B4GALT5: variants seen among roughly 807,000 people sequenced by gnomAD.
The protein encoded by B4GALT5 is UDP-Gal:beta-GlcNAc beta-1,4-galactosyltransferase 5.
B4GALT5 carries 11 observed loss-of-function variants against 45.0 expected under a neutral mutation model. The ratio of observed to expected loss-of-function variants is 0.24; its 90% CI spans 0.15 to 0.40. B4GALT5 has a LOEUF of 0.40. Ranked by LOEUF, B4GALT5 falls within the 10% of genes least tolerant of loss-of-function variation. The probability of loss-of-function intolerance (pLI) is 1.00; values close to 1 mark genes in which losing one functional copy is unlikely to be tolerated. For synonymous variants in B4GALT5, 185 were observed against 182.9 expected (o/e 1.01, Z -0.09); for missense variants, 337 against 500.2 (o/e 0.67, Z 3.11).
At chr20:49,711,199 G>A (rs2085909744) in intron 1 of B4GALT5, among the ~76,000 whole-genome samples, 1 of 151,966 alleles carries the variant, frequency 6.6e-6, no homozygotes, top group Non-Finnish European at 1.5e-5. Flanking sequence ...TTCCCCTTCA[G>A]AAGGCTTACA....
chr20:49,651,024 C>T (rs745843989), intron 2 of B4GALT5, among the ~76,000 whole-genome samples: 4 of 152,166 alleles, frequency 2.6e-5, no homozygotes, highest in South Asian at 4.1e-4. Flanking sequence ...AAGCCGGGCG[C>T]GGTGATCTCT....
intron 1 of B4GALT5, among the ~76,000 whole-genome samples, chr20:49,675,811 T>C (rs562579665): frequency 6.6e-6 from 1 of 152,308 alleles, no homozygotes; most frequent in African/African-American, 2.4e-5. Context: ...TAGCCAACTG[T>C]CCGTTTCACA....
Position 49,636,430 on chromosome 20 carries a change from C to T in B4GALT5, c.1049G>A (p.Arg350Gln). ...GTTGTTGAGGCCATCCAGCCCTTGC[C>T]GTTCTTTTGACTTCCTCAGCAGAGC... ...RYALLRKSKE[R>Q]QGLDGLNNLN... The change falls in exon 9 of 9, where the codon CGG becomes CAG. Residue 350 changes from arginine to glutamine, a missense_variant. Around this residue, in one of 2 missense-constraint regions of B4GALT5, gnomAD observed 163 missense variants for 292.8 expected, o/e 0.56. Coordinates refer to ENST00000371711, the MANE Select transcript of B4GALT5 (RefSeq NM_004776.4). The T allele has an allele frequency of 1.2e-6, 2 of 1,614,090 alleles. No homozygotes were observed. Among genetic ancestry groups the T allele is most frequent in the Non-Finnish European group, 8.5e-7 (1 of 1,180,026 alleles).
chr20:49,694,115 G>A (rs1421783523), intron 1 of B4GALT5, among the ~76,000 whole-genome samples: 14 of 152,128 alleles, frequency 9.2e-5, no homozygotes, highest in Middle Eastern at 3.2e-3. Context: ...TTATGTAAAC[G>A]TACTTTTTAT....
At chr20:49,666,627 C>T (rs111329251) in intron 1 of B4GALT5, among the ~76,000 whole-genome samples, 9 of 152,192 alleles carry the variant, frequency 5.9e-5, no homozygotes, top group Non-Finnish European at 1.0e-4. Context: ...CTCCCTCTCA[C>T]GCTCATGCTT....
rs2146367236 is a variant in B4GALT5 at position 49,713,790 on chromosome 20, C to T, written c.-100G>A. ...GCCGCCGCCACCGCCTGGGCCTCGG[C>T]CACCGCCTCCCGGGCCTCGCGGGCC... On this transcript the variant is annotated 5_prime_UTR_variant, in exon 1 of 9. Coordinates refer to ENST00000371711, the MANE Select transcript of B4GALT5 (RefSeq NM_004776.4). The T allele has an allele frequency of 9.9e-6, 2 of 201,742 alleles. No homozygotes were observed. The highest frequency in any genetic ancestry group is 2.4e-5 in the African/African-American group (1 of 41,956). 12.5% of individuals were successfully genotyped at this position (201,742 alleles called of 1,614,324 possible). A position where few individuals can be genotyped will look rare whatever the true frequency, so the allele number is the denominator to read the frequency against.
intron 1 of B4GALT5, among the ~76,000 whole-genome samples, chr20:49,709,768 C>CAA (rs201077150): frequency 2.1e-5 from 2 of 94,664 alleles, no homozygotes; most frequent in African/African-American, 3.8e-5. Context: ...AACTCCGTCT[C>CAA]AAAAAAAAAA....
At chr20:49,710,854 T>C (rs574434933) in intron 1 of B4GALT5, among the ~76,000 whole-genome samples, 1 of 152,232 alleles carries the variant, frequency 6.6e-6, no homozygotes, top group East Asian at 1.9e-4. Context: ...TGTCCAAAGC[T>C]AGACATTCTA....
At chr20:49,706,852 G>C (rs1482037612) in intron 1 of B4GALT5, among the ~76,000 whole-genome samples, 2 of 152,156 alleles carry the variant, frequency 1.3e-5, no homozygotes, top group Non-Finnish European at 2.9e-5. Flanking sequence ...TGCCTTATGT[G>C]ATTAGATGTG....
chr20:49,679,235 A>G (rs1487415129), intron 1 of B4GALT5, among the ~76,000 whole-genome samples: 3 of 151,998 alleles, frequency 2.0e-5, no homozygotes, highest in African/African-American at 7.3e-5. Flanking sequence ...TTCTCCCCCA[A>G]TTTTTTTGAC....
intron 4 of B4GALT5, 68 bp from the exon 5 acceptor site, chr20:49,642,652 CTGATGAATTGCTGACCAACCCA>C (rs2085581929): frequency 1.8e-6 from 2 of 1,109,352 alleles, no homozygotes; most frequent in South Asian, 2.7e-5. Context: ...CAGGACACCC[CTGATGAATTGCTGACCAACCCA>C]TGGGAGTTCT....
At chr20:49,654,862 T>A (rs2123015789) in intron 2 of B4GALT5, among the ~76,000 whole-genome samples, 1 of 152,208 alleles carries the variant, frequency 6.6e-6, no homozygotes, top group South Asian at 2.1e-4. Context: ...ATCTTAGCAC[T>A]TCGGGAGGCC....
At chr20:49,650,989 TTTTAC>T (rs2085620237) in intron 2 of B4GALT5, among the ~76,000 whole-genome samples, 1 of 152,280 alleles carries the variant, frequency 6.6e-6, no homozygotes, top group Non-Finnish European at 1.5e-5. Flanking sequence ...AGGCAGCTGC[TTTTAC>T]ATTTAGAAAA....
intron 1 of B4GALT5, among the ~76,000 whole-genome samples, chr20:49,709,848 G>T (rs928246099): frequency 2.0e-4 from 30 of 151,970 alleles, no homozygotes; most frequent in African/African-American, 7.0e-4. Flanking sequence ...AGTAGCTGAG[G>T]GCATTTTATA....
At chr20:49,685,852 T>C (rs2085783063) in intron 1 of B4GALT5, among the ~76,000 whole-genome samples, 1 of 149,796 alleles carries the variant, frequency 6.7e-6, no homozygotes, top group Non-Finnish European at 1.5e-5. Flanking sequence ...TCTTTAACAG[T>C]AAGAAAAATG....
chr20:49,636,992 C>A (rs1384735459), intron 8 of B4GALT5, among the ~76,000 whole-genome samples: 1 of 151,768 alleles, frequency 6.6e-6, no homozygotes, highest in Admixed American at 6.6e-5. Context: ...CTCAGGACAC[C>A]ATTCGGAACG....
intron 1 of B4GALT5, among the ~76,000 whole-genome samples, chr20:49,657,804 A>C (rs1305631253): frequency 1.3e-5 from 2 of 152,224 alleles, no homozygotes; most frequent in Non-Finnish European, 1.5e-5. Flanking sequence ...TTAAAGCAGT[A>C]TCCTGTACAT....
At chr20:49,710,933 G>A (rs1320717098) in intron 1 of B4GALT5, among the ~76,000 whole-genome samples, 1 of 151,912 alleles carries the variant, frequency 6.6e-6, no homozygotes, top group Non-Finnish European at 1.5e-5. Flanking sequence ...TGTTTTAAAA[G>A]TTAGCCAGGC....
At chr20:49,671,154 G>A (rs1464064233) in intron 1 of B4GALT5, among the ~76,000 whole-genome samples, 4 of 152,128 alleles carry the variant, frequency 2.6e-5, no homozygotes, top group Non-Finnish European at 5.9e-5. Flanking sequence ...CAAGGTGGGC[G>A]GATCACCTGA....
Sources: allele counts gnomAD v4.1 joint callset (sites outside exome capture counted in the v4.1 genomes callset), GRCh38; gene constraint gnomAD v4.1.1; regional missense constraint gnomAD v4.1.1; transcripts MANE v1.5; gene names NCBI Gene and HGNC (gene_info 2026-07-23, HGNC 2026-07-21).